SPATA6: variants seen among roughly 807,000 people sequenced by gnomAD.
The protein encoded by SPATA6 is spermatogenesis associated 6.
A neutral mutation model predicts 65.3 loss-of-function variants in SPATA6; 56 were observed. The observed-to-expected ratio is 0.86, with a 90% confidence interval of 0.69 to 1.07. The LOEUF (loss-of-function observed/expected upper bound fraction) is 1.07, where lower values mean the gene tolerates loss of function less well. Ranked by LOEUF, SPATA6 falls within the 50% of genes least tolerant of loss-of-function variation. The pLI, the probability that SPATA6 is intolerant of heterozygous loss-of-function variation, is 0.00. For missense variants in SPATA6, 590 were observed against 594.8 expected (o/e 0.99, Z 0.08); for synonymous variants, 199 against 213.2 (o/e 0.93, Z 0.58).
intron 8 of SPATA6, among the ~76,000 whole-genome samples, chr1:48,390,791 T>G (rs1471091476): frequency 6.6e-6 from 1 of 152,200 alleles, no homozygotes; most frequent in African/African-American, 2.4e-5. Context: ...TACATTCTAC[T>G]TTCCCAAACC....
At chr1:48,393,762 A>G (rs895545475) in intron 8 of SPATA6, among the ~76,000 whole-genome samples, 14 of 152,072 alleles carry the variant, frequency 9.2e-5, no homozygotes, top group African/African-American at 3.1e-4. Context: ...AGGTTCTGGT[A>G]AGTTCTCTCT....
intron 3 of SPATA6, among the ~76,000 whole-genome samples, chr1:48,413,936 C>T (rs1652512352): frequency 6.6e-6 from 1 of 152,110 alleles, no homozygotes; most frequent in Admixed American, 6.5e-5. Flanking sequence ...TTTATTTATA[C>T]CATAAGTTTA....
chr1:48,403,546 A>C (rs555172671), intron 6 of SPATA6, among the ~76,000 whole-genome samples: 39 of 152,276 alleles, frequency 2.6e-4, no homozygotes, highest in Non-Finnish European at 4.7e-4. Flanking sequence ...TAAAATCAAA[A>C]AGTCCAAGAA....
chr1:48,304,381 C>T (rs1050160636), intron 12 of SPATA6, among the ~76,000 whole-genome samples: 1 of 152,192 alleles, frequency 6.6e-6, no homozygotes, highest in Admixed American at 6.5e-5. Flanking sequence ...ATCAATAACA[C>T]TGCTTGGTAG....
rs902585035 is a variant in SPATA6 at position 48,311,854 on chromosome 1, C to T, written c.1195-5976G>A. Reference sequence around the variant, plus strand: ...GGGTGACAGATGGTACCTGGAAATTCGGGTCACTCCCACCCTAATACTGTG... The same window carrying T: ...GGGTGACAGATGGTACCTGGAAATTTGGGTCACTCCCACCCTAATACTGTG... On this transcript the variant is annotated intron_variant, in intron 11 of 12. Transcript: ENST00000371847. Among the ~76,000 whole-genome samples, 8 of 152,280 alleles carry T rather than the reference C, an allele frequency of 5.3e-5. No homozygotes were observed. In the East Asian group the frequency reaches 5.8e-4, roughly 11 times the overall value.
intron 8 of SPATA6, chr1:48,393,251 A>C (rs1650250982): frequency 6.6e-6 from 1 of 152,180 alleles, no homozygotes; most frequent in African/African-American, 2.4e-5. Flanking sequence ...GAAATACCAC[A>C]TACCTCCTAG....
chr1:48,358,747 G>C (rs1646726895), intron 10 of SPATA6, among the ~76,000 whole-genome samples: 1 of 152,262 alleles, frequency 6.6e-6, no homozygotes, highest in Admixed American at 6.5e-5. Context: ...CAACAGGCAT[G>C]ATTCTAATGG....
chr1:48,272,908 C>G, the SPATA6 span, among the ~76,000 whole-genome samples: 1 of 152,060 alleles, frequency 6.6e-6, no homozygotes, highest in Non-Finnish European at 1.5e-5. Context: ...TTTCGTATTC[C>G]TGTTGGCCTT....
intron 1 of SPATA6, among the ~76,000 whole-genome samples, chr1:48,464,372 AAAC>A (rs780599643): frequency 3.0e-4 from 46 of 152,332 alleles, no homozygotes; most frequent in Admixed American, 5.2e-4. Flanking sequence ...GTCTATTTTC[AAAC>A]AACGTCATTT....
At chr1:48,468,236 G>T (rs1657963231) in intron 1 of SPATA6, among the ~76,000 whole-genome samples, 1 of 152,058 alleles carries the variant, frequency 6.6e-6, no homozygotes, top group African/African-American at 2.4e-5. Flanking sequence ...ACACTATTCC[G>T]ATTTCTATCA....
intron 9 of SPATA6, among the ~76,000 whole-genome samples, chr1:48,360,740 G>T (rs1429220061): frequency 6.6e-6 from 1 of 152,164 alleles, no homozygotes; most frequent in Non-Finnish European, 1.5e-5. Context: ...GGGGCCAAGG[G>T]CCCTGGGAGG....
Position 48,325,502 on chromosome 1 carries a change from CTCA to C in SPATA6, c.1195-19627_1195-19625del, listed in dbSNP as rs1174352070. The C allele has an allele frequency of 6.5e-6, 8 of 1,228,642 alleles. No individual in the cohort carries two copies. In the East Asian group the frequency reaches 1.4e-4, roughly 22 times the overall value. 76.1% of individuals were successfully genotyped at this position (1,228,642 alleles called of 1,614,324 possible). On this transcript the variant is annotated intron_variant, in intron 11 of 12. Transcript: ENST00000371847. Reference sequence around the variant, plus strand: ...GATCCACATTCTCTGAGTTGATGATCTCATCATCCTCACTGAATGTCACCCGGG... The same window carrying C: ...GATCCACATTCTCTGAGTTGATGATCTCATCCTCACTGAATGTCACCCGGG...
chr1:48,335,976 G>A (rs761601175), intron 11 of SPATA6, among the ~76,000 whole-genome samples: 8 of 152,026 alleles, frequency 5.3e-5, no homozygotes, highest in Non-Finnish European at 1.0e-4. Context: ...CAAAGGACAT[G>A]AACAGACACT....
At chr1:48,292,538 G>T (rs969192640), downstream of SPATA6, among the ~76,000 whole-genome samples, 1 of 152,234 alleles carries the variant, frequency 6.6e-6, no homozygotes, top group African/African-American at 2.4e-5. Context: ...TTGGTGGCAA[G>T]TATGCCTGTG....
chr1:48,274,466 G>T, the SPATA6 span, among the ~76,000 whole-genome samples: 2 of 151,972 alleles, frequency 1.3e-5, no homozygotes, highest in African/African-American at 4.8e-5. Flanking sequence ...GGGTTTTTAT[G>T]GTTTTAGGTC....
chr1:48,450,219 T>C (rs1656437695), intron 3 of SPATA6, among the ~76,000 whole-genome samples: 1 of 149,752 alleles, frequency 6.7e-6, no homozygotes, highest in African/African-American at 2.5e-5. Context: ...ATAAACAAAG[T>C]ATAAAAAGAG....
intron 6 of SPATA6, among the ~76,000 whole-genome samples, chr1:48,403,022 A>G (rs1053413813): frequency 6.6e-6 from 1 of 152,078 alleles, no homozygotes; most frequent in African/African-American, 2.4e-5. Context: ...AAAAAAATAC[A>G]AAAGTTAGCC....
chr1:48,402,884 A>G (rs1323942925), intron 6 of SPATA6: 1 of 152,216 alleles, frequency 6.6e-6, no homozygotes, highest in Admixed American at 6.5e-5. Context: ...TGACTCAGTA[A>G]TAAGTCAGAC....
rs1266326454 is a variant in SPATA6, at chr1:48,296,463, T to A, written c.*2250A>T. 6.6e-6 allele frequency: 1 copy of A among 152,242 alleles called. No homozygotes were observed. The highest frequency in any genetic ancestry group is 1.5e-5 in the Non-Finnish European group (1 of 68,036). The allele number at this position is 152,242 out of a possible 1,614,324, so 9.4% of individuals were successfully genotyped here. A position where few individuals can be genotyped will look rare whatever the true frequency, so the allele number is the denominator to read the frequency against. On this transcript the variant is annotated 3_prime_UTR_variant, in exon 13 of 13. Coordinates refer to ENST00000371847, the MANE Select transcript of SPATA6 (RefSeq NM_019073.4). ...AAAGTTTCCCTTTCAGCCCTACTTT[T>A]TGCAGCCTTTTTCACAGCCAATGGC...
Sources: allele counts gnomAD v4.1 joint callset (sites outside exome capture counted in the v4.1 genomes callset), GRCh38; gene constraint gnomAD v4.1.1; transcripts MANE v1.5; gene names NCBI Gene and HGNC (gene_info 2026-07-23, HGNC 2026-07-21).